Variants in PDE4D observed in about 807,000 individuals in gnomAD.
PDE4D encodes the protein 3',5'-cyclic-AMP phosphodiesterase 4D.
Under a neutral mutation model 87.4 loss-of-function variants are expected in PDE4D, and 24 were observed. That is an observed-to-expected ratio of 0.27 (90% CI 0.20 to 0.39). The LOEUF (loss-of-function observed/expected upper bound fraction) is 0.39, where lower values mean the gene tolerates loss of function less well. Among genes scored for constraint, PDE4D ranks in the 10% least tolerant of loss-of-function variants. The probability of loss-of-function intolerance (pLI) is 1.00; values close to 1 mark genes in which losing one functional copy is unlikely to be tolerated. For synonymous variants in PDE4D, 384 were observed against 383.2 expected (o/e 1.00, Z -0.02); for missense variants, 714 against 1,041.0 (o/e 0.69, Z 4.32).
intron 1 of PDE4D, among the ~76,000 whole-genome samples, chr5:59,875,239 A>G (rs1475367351): frequency 6.6e-6 from 1 of 151,972 alleles, no homozygotes; most frequent in Non-Finnish European, 1.5e-5. Flanking sequence ...AGGCGGGCGG[A>G]TCACGAGGTC....
At chr5:59,468,227 C>T (rs1582748516) in intron 1 of PDE4D, among the ~76,000 whole-genome samples, 2 of 151,936 alleles carry the variant, frequency 1.3e-5, no homozygotes, top group African/African-American at 2.4e-5. Flanking sequence ...ACCCTCCCCG[C>T]ATCTTCCTGT....
rs1784131475 is a variant in PDE4D at position 60,178,597 on chromosome 5, C to T, written c.42+6960G>A. Reference sequence around the variant, plus strand: ...TTCAAATAGAACCCTGCTGGCAAATCAATGCTATATAATGACCTCTTCTAG... The same window carrying T: ...TTCAAATAGAACCCTGCTGGCAAATTAATGCTATATAATGACCTCTTCTAG... On this transcript the variant is annotated intron_variant, in intron 2 of 16. Coordinates refer to the PDE4D transcript ENST00000502484. Among the ~76,000 whole-genome samples, 3 of 152,124 alleles carry T rather than the reference C, an allele frequency of 2.0e-5. No homozygotes were observed. In the South Asian group the frequency reaches 6.2e-4, roughly 32 times the overall value.
intron 1 of PDE4D, chr5:60,460,273 T>C: frequency 6.6e-6 from 7 of 1,057,110 alleles, no homozygotes; most frequent in Admixed American, 3.4e-5. Flanking sequence ...CTCATTCAGA[T>C]GAAATTCTTT....
At chr5:59,805,077 G>A (rs922913088) in intron 1 of PDE4D, among the ~76,000 whole-genome samples, 5 of 152,154 alleles carry the variant, frequency 3.3e-5, no homozygotes, top group Admixed American at 2.0e-4. Flanking sequence ...ACAGGCATGA[G>A]CCACCGTGCC....
intron 1 of PDE4D, among the ~76,000 whole-genome samples, chr5:59,583,763 G>A (rs930456478): frequency 1.3e-5 from 2 of 152,152 alleles, no homozygotes; most frequent in African/African-American, 2.4e-5. Context: ...CTGTGCACAG[G>A]CTTCTATTTC....
intron 1 of PDE4D, among the ~76,000 whole-genome samples, chr5:59,373,215 G>C (rs927998549): frequency 3.3e-5 from 5 of 152,158 alleles, no homozygotes; most frequent in African/African-American, 9.7e-5. Context: ...TCAAAATATG[G>C]ATTGGAATGA....
At chr5:60,327,281 G>A (rs572889113) in intron 1 of PDE4D, among the ~76,000 whole-genome samples, 6 of 152,168 alleles carry the variant, frequency 3.9e-5, no homozygotes, top group Non-Finnish European at 5.9e-5. Context: ...ACTAAATTAC[G>A]TGTGAAGACT....
At chr5:60,160,993 G>T (rs1582915413) in intron 2 of PDE4D, among the ~76,000 whole-genome samples, 1 of 152,114 alleles carries the variant, frequency 6.6e-6, no homozygotes, top group East Asian at 1.9e-4. Context: ...ATCATGATGT[G>T]CTGGGCACAA....
intron 1 of PDE4D, among the ~76,000 whole-genome samples, chr5:59,373,364 A>G (rs1784237600): frequency 6.6e-6 from 1 of 152,274 alleles, no homozygotes; most frequent in African/African-American, 2.4e-5. Flanking sequence ...AAACATTATT[A>G]GAATTTCATA....
intron 3 of PDE4D, among the ~76,000 whole-genome samples, chr5:59,903,906 G>A (rs76425512): frequency 0.015 from 2,305 of 152,224 alleles, 58 homozygotes; most frequent in African/African-American, 0.053. Flanking sequence ...TTAAGAAGAT[G>A]GGTATAAGCA....
chr5:59,220,377 CAAAAAAAAAAAAAA>C (rs57610513), intron 1 of PDE4D, among the ~76,000 whole-genome samples: 10 of 36,130 alleles, frequency 2.8e-4, no homozygotes, highest in Non-Finnish European at 1.3e-4. Flanking sequence ...GACTCTGTCT[CAAAAAAAAAAAAAA>C]AAAAAAAAAA....
At chr5:59,969,874 G>C (rs759668718) in intron 3 of PDE4D, among the ~76,000 whole-genome samples, 1 of 152,086 alleles carries the variant, frequency 6.6e-6, no homozygotes, top group Non-Finnish European at 1.5e-5. Flanking sequence ...TCTTTCTTTT[G>C]TAAATTACCC....
At chr5:59,870,008 A>G (rs1747591383) in intron 1 of PDE4D, among the ~76,000 whole-genome samples, 2 of 152,318 alleles carry the variant, frequency 1.3e-5, no homozygotes, top group African/African-American at 4.8e-5. Context: ...TGTTATAAGA[A>G]AGAATGCTAT....
chr5:59,256,820 C>T (rs895482307), intron 1 of PDE4D, among the ~76,000 whole-genome samples: 1 of 152,004 alleles, frequency 6.6e-6, no homozygotes, highest in Non-Finnish European at 1.5e-5. Context: ...TATTAACTAA[C>T]AACTACGTAA....
chr5:59,248,237 G>A (rs538176268), intron 1 of PDE4D, among the ~76,000 whole-genome samples: 2 of 149,600 alleles, frequency 1.3e-5, no homozygotes, highest in South Asian at 2.2e-4. Context: ...TCCTGTTCAC[G>A]CCTGGGCATA....
chr5:59,111,930 C>CCA (rs1772722794), intron 5 of PDE4D, among the ~76,000 whole-genome samples: 1 of 151,858 alleles, frequency 6.6e-6, no homozygotes, highest in Admixed American at 6.6e-5. Flanking sequence ...GAAGATTGTT[C>CCA]CACATGGTAG....
At chr5:59,347,224 C>T (rs1779753352) in intron 1 of PDE4D, among the ~76,000 whole-genome samples, 1 of 152,086 alleles carries the variant, frequency 6.6e-6, no homozygotes, top group Admixed American at 6.6e-5. Flanking sequence ...ATCCCTCCTC[C>T]CAGCCAGTCT....
chr5:59,219,392 A>C (rs2153508272), intron 1 of PDE4D, among the ~76,000 whole-genome samples: 1 of 152,200 alleles, frequency 6.6e-6, no homozygotes, highest in South Asian at 2.1e-4. Context: ...GTCTGAGTTC[A>C]TTTGCATAAT....
At position 60,317,870 on chromosome 5, in the gene PDE4D, T is replaced by C. The variant is rs562627222; in HGVS notation, c.-89-132183A>G. On this transcript the variant is annotated intron_variant, in intron 1 of 16. Coordinates refer to the PDE4D transcript ENST00000502484. ...CTGAAAGACAGTTTGTTATAATTTC[T>C]GTTCTTTTACATTTGCTAAGGAGAG... Among the ~76,000 whole-genome samples the C allele has an allele frequency of 2.6e-5, 4 of 152,350 alleles. No homozygotes were observed. In the South Asian group the frequency reaches 8.3e-4, roughly 32 times the overall value.
Sources: gnomAD v4.1 joint callset for allele counts (sites outside exome capture counted in the v4.1 genomes callset) on GRCh38, gnomAD v4.1.1 for gene constraint, MANE v1.5 for transcripts, NCBI Gene and HGNC (gene_info 2026-07-23, HGNC 2026-07-21) for gene names.